The following MYT1L variants were observed in gnomAD, a reference collection of about 807,000 sequenced individuals.
The protein encoded by MYT1L is myelin transcription factor 1 like, also known as myelin transcription factor 1-like protein.
Under a neutral mutation model 126.7 loss-of-function variants are expected in MYT1L, and 12 were observed. That is an observed-to-expected ratio of 0.09 (90% confidence interval 0.06 to 0.15). The LOEUF is 0.15. MYT1L is among the 10% of genes least tolerant of loss of function. MYT1L has a pLI of 1.00. For missense variants in MYT1L, 979 were observed against 1,585.2 expected (o/e 0.62, Z 6.49); for synonymous variants, 541 against 604.2 (o/e 0.90, Z 1.53).
At chr2:2,028,035 CATA>C (rs1324814408) in intron 4 of MYT1L, among the ~76,000 whole-genome samples, 1 of 152,228 alleles carries the variant, frequency 6.6e-6, no homozygotes, top group Non-Finnish European at 1.5e-5. Flanking sequence ...CATGTGGGGT[CATA>C]ATGCTGAGTT....
chr2:2,242,093 GAGGAAA>G (rs969303176), intron 2 of MYT1L, among the ~76,000 whole-genome samples: 3 of 152,144 alleles, frequency 2.0e-5, no homozygotes, highest in African/African-American at 7.2e-5. Flanking sequence ...GAAAAACAGA[GAGGAAA>G]AGGAAAAGGA....
chr2:2,056,396 T>C (rs2069566021), intron 3 of MYT1L, among the ~76,000 whole-genome samples: 1 of 152,202 alleles, frequency 6.6e-6, no homozygotes, highest in Non-Finnish European at 1.5e-5. Flanking sequence ...GGGAGTAATT[T>C]ATGAGATGTA....
chr2:2,221,527 G>GA (rs937368100), intron 2 of MYT1L, among the ~76,000 whole-genome samples: 1 of 152,096 alleles, frequency 6.6e-6, no homozygotes, highest in Admixed American at 6.5e-5. Context: ...AACCAAGTAG[G>GA]AAAAAATAAA....
chr2:2,143,836 T>C (rs901474847), intron 3 of MYT1L, among the ~76,000 whole-genome samples: 3 of 152,080 alleles, frequency 2.0e-5, no homozygotes, highest in Non-Finnish European at 2.9e-5. Context: ...CTGGAGGCCA[T>C]TATCCTAAGT....
chr2:1,899,680 T>C (rs1161026717), intron 14 of MYT1L, among the ~76,000 whole-genome samples: 1 of 152,242 alleles, frequency 6.6e-6, no homozygotes, highest in Non-Finnish European at 1.5e-5. Context: ...TTTTGCATGA[T>C]TTCTGCTCAA....
intron 3 of MYT1L, among the ~76,000 whole-genome samples, chr2:2,145,236 G>A (rs950958998): frequency 4.6e-5 from 7 of 152,182 alleles, no homozygotes; most frequent in East Asian, 1.9e-4. Context: ...CAAATGGCCC[G>A]TGGGGAGGAG....
At chr2:1,855,243 G>A (rs1043088941) in intron 18 of MYT1L, among the ~76,000 whole-genome samples, 1 of 152,210 alleles carries the variant, frequency 6.6e-6, no homozygotes, top group Non-Finnish European at 1.5e-5. Flanking sequence ...CCTCTCAAAC[G>A]GAGTCAGCTC....
At chr2:2,200,380 C>T (rs1659757103) in intron 2 of MYT1L, among the ~76,000 whole-genome samples, 1 of 152,142 alleles carries the variant, frequency 6.6e-6, no homozygotes, top group African/African-American at 2.4e-5. Flanking sequence ...TCCAAGGAAC[C>T]TCTGTGTCCA....
intron 3 of MYT1L, among the ~76,000 whole-genome samples, chr2:2,127,414 A>G (rs2081857494): frequency 6.6e-6 from 1 of 152,212 alleles, no homozygotes; most frequent in Admixed American, 6.5e-5. Context: ...TGGCCTTGAA[A>G]GAGCATCCAT....
At chr2:2,030,874 T>C (rs2066163768) in intron 4 of MYT1L, among the ~76,000 whole-genome samples, 1 of 152,240 alleles carries the variant, frequency 6.6e-6, no homozygotes, top group African/African-American at 2.4e-5. Context: ...TGCTCATATA[T>C]ACTCAGTCTA....
chr2:2,062,857 A>C (rs1409662239), intron 3 of MYT1L, among the ~76,000 whole-genome samples: 1 of 152,008 alleles, frequency 6.6e-6, no homozygotes, highest in Non-Finnish European at 1.5e-5. Flanking sequence ...ATTTCCCAAG[A>C]ATGAGGGGGT....
At chr2:2,087,039 G>T (rs1269779258) in intron 3 of MYT1L, among the ~76,000 whole-genome samples, 1 of 152,180 alleles carries the variant, frequency 6.6e-6, no homozygotes, top group African/African-American at 2.4e-5. Flanking sequence ...CCTCTGAGTT[G>T]AAGGATGAAT....
In MYT1L at chr2:1,809,120, A is replaced by G; in HGVS notation, c.3128T>C (p.Leu1043Pro). 6.2e-7 allele frequency: 1 copy of G among 1,613,966 alleles called. No homozygotes were observed. The highest frequency in any genetic ancestry group is 8.5e-7 in the Non-Finnish European group (1 of 1,179,892). The change falls in exon 22 of 25, where the codon CTT becomes CCT. Residue 1043 changes from leucine to proline, a missense_variant. Leu to Pro is a moderately conservative substitution (Grantham distance 98, BLOSUM62 -3). Around this residue, in one of 12 missense-constraint regions of MYT1L, gnomAD observed 179 missense variants for 398.6 expected, o/e 0.45. Coordinates refer to ENST00000647738, the MANE Select transcript of MYT1L (RefSeq NM_001303052.2). ...GATGGTCAGCATCTGCTCTCCAGAA[A>G]GCTTTGCCTTCTTCATCGCTGACGT... The part of the protein sequence containing the change: ...RATSAMKKAK[L>P]SGEQMLTIKQ...
intron 22 of MYT1L, among the ~76,000 whole-genome samples, chr2:1,803,771 G>C (rs1375286521): frequency 2.0e-5 from 3 of 152,194 alleles, no homozygotes; most frequent in Non-Finnish European, 2.9e-5. Flanking sequence ...TCCTTTGTAA[G>C]GGGGAGGAGG....
At chr2:2,063,660 A>G (rs2070835736) in intron 3 of MYT1L, among the ~76,000 whole-genome samples, 3 of 152,222 alleles carry the variant, frequency 2.0e-5, no homozygotes, top group Admixed American at 2.0e-4. Context: ...CTTGGCCAAC[A>G]TGATGAAACC....
intron 21 of MYT1L, among the ~76,000 whole-genome samples, chr2:1,812,323 A>G (rs2036792898): frequency 6.6e-6 from 1 of 152,250 alleles, no homozygotes; most frequent in Admixed American, 6.5e-5. Flanking sequence ...GTGAAGTTTA[A>G]TGAAAAGAAT....
At chr2:1,831,212 G>A (rs577136331) in intron 21 of MYT1L, among the ~76,000 whole-genome samples, 6 of 149,768 alleles carry the variant, frequency 4.0e-5, no homozygotes, top group East Asian at 4.2e-4. Context: ...GAGGACCCCT[G>A]GCTCCCCCCA....
rs544275838 is a variant in MYT1L at position 2,142,428 on chromosome 2, A to G, written c.-304+30444T>C. ...ATTTTAATAGAACTTTTGCTCAAAC[A>G]GTGGTGACTGAGTTTGTGAGTTTGT... On this transcript the variant is annotated intron_variant, in intron 3 of 24. Coordinates refer to ENST00000647738, the MANE Select transcript of MYT1L (RefSeq NM_001303052.2). 1.6e-4 allele frequency among the ~76,000 whole-genome samples: 25 copies of G among 152,262 alleles called. No homozygotes were observed. In the South Asian group the frequency reaches 4.6e-3, roughly 28 times the overall value.
chr2:2,140,357 C>T (rs1575443711), intron 3 of MYT1L, among the ~76,000 whole-genome samples: 1 of 150,914 alleles, frequency 6.6e-6, no homozygotes, highest in African/African-American at 2.4e-5. Flanking sequence ...TAACAGTGCA[C>T]TTATTCTGTT....
Sources: gnomAD v4.1 joint callset for allele counts (sites outside exome capture counted in the v4.1 genomes callset) on GRCh38, gnomAD v4.1.1 for gene constraint, gnomAD v4.1.1 regional missense constraint, MANE v1.5 for transcripts, NCBI Gene and HGNC (gene_info 2026-07-23, HGNC 2026-07-21) for gene names.